FEZF2: variants seen among roughly 807,000 people sequenced by gnomAD.
FEZF2 encodes the protein fez family zinc finger protein 2.
FEZF2 carries 2 observed loss-of-function variants against 32.8 expected under a neutral mutation model. The ratio of observed to expected loss-of-function variants is 0.06; its 90% CI spans 0.02 to 0.19. The LOEUF (loss-of-function observed/expected upper bound fraction) is 0.19, where lower values mean the gene tolerates loss of function less well. Among genes scored for constraint, FEZF2 ranks in the 10% least tolerant of loss-of-function variants. FEZF2 has a pLI of 1.00. For synonymous variants in FEZF2, 322 were observed against 284.8 expected, an observed-to-expected ratio of 1.13 and a Z score of -1.32; for missense variants, 516 against 625.4, an observed-to-expected ratio of 0.83 and a Z score of 1.87.
Position 62,372,286 on chromosome 3 carries a change from G to A in FEZF2, c.583C>T (p.Leu195Phe). ...GCGGCGGGGGCCTGCGCATTGAGGAGGCCAGACGGGAAGAGGTGGCCGCTG... is the reference window on the plus strand; with the variant it reads ...GCGGCGGGGGCCTGCGCATTGAGGAAGCCAGACGGGAAGAGGTGGCCGCTG... ...LLSGHLFPSG[L>F]LNAQAPAALA... Residue 195 changes from leucine (L) to phenylalanine (F), a missense_variant, in exon 2 of 5, where the codon CTC becomes TTC. Physicochemically the swap from Leu to Phe is conservative, Grantham distance 22. This residue lies in a region of FEZF2 where 408 missense variants were observed against 382.2 expected (regional missense o/e 1.07). Coordinates refer to ENST00000283268, the MANE Select transcript of FEZF2 (RefSeq NM_018008.4). The surrounding 1 kb of genome is among the most constrained non-coding windows in gnomAD (Gnocchi z 9.6). 6.2e-7 allele frequency: 1 copy of A among 1,601,890 alleles called. No homozygotes were observed.
rs544462622 is a variant in FEZF2, at chr3:62,371,423, C to A, written c.988-74G>T. On this transcript the variant is annotated intron_variant, in intron 3 of 4. Transcript: ENST00000283268. ...CCTGGAAGGGACATCCCCCCCACCC[C>A]CACTCAACCCTAGAGGGTAAGGGAT... is the stretch of plus-strand genomic sequence containing the variant. 16 of 1,584,452 alleles carry A rather than the reference C, an allele frequency of 1.0e-5. No homozygotes were observed. The East Asian group carries it at 3.6e-4, about 36-fold the overall frequency.
rs761318289 is a variant in FEZF2, at chr3:62,370,367, C to A, written c.1121-25G>T. ...CCTACAACAGATCAAGAACAAAAAA[C>A]GTGGGGGTATGGAGTAGAATGGTGG... On this transcript the variant is annotated intron_variant, in intron 4 of 4. Coordinates refer to ENST00000283268, the MANE Select transcript of FEZF2 (RefSeq NM_018008.4). The surrounding 1 kb of genome is among the most constrained non-coding windows in gnomAD (Gnocchi z 4.2). 2.5e-6 allele frequency: 4 copies of A among 1,611,146 alleles called. No individual in the cohort carries two copies. Among genetic ancestry groups the A allele is most frequent in the Non-Finnish European group, 2.5e-6 (3 of 1,177,840 alleles).
chr3:62,372,404 C>G lies in FEZF2; in HGVS notation c.465G>C (p.Gln155His), dbSNP rs375770763. ...GCAGCCCCACAGCCTGGTTGATGACCTGCGGCTTGATGACCCTGCCCGCGG... is the reference window on the plus strand; with the variant it reads ...GCAGCCCCACAGCCTGGTTGATGACGTGCGGCTTGATGACCCTGCCCGCGG... Reference protein sequence around the residue: ...ALPAGRVIKPQVINQAVGLPA... With the variant: ...ALPAGRVIKPHVINQAVGLPA... Residue 155 changes from glutamine (Q) to histidine (H), a missense_variant, in exon 2 of 5, where the codon CAG (glutamine) becomes CAC (histidine). By Grantham distance (24) the Gln-to-His change is conservative. Coordinates refer to ENST00000283268, the MANE Select transcript of FEZF2 (RefSeq NM_018008.4). The surrounding 1 kb of genome is among the most constrained non-coding windows in gnomAD (Gnocchi z 9.6). The G allele has an allele frequency of 6.2e-7, 1 of 1,611,450 alleles. No individual in the cohort carries two copies. The highest frequency in any genetic ancestry group is 8.5e-7 in the Non-Finnish European group (1 of 1,179,676).
chr3:62,372,530 G>GCCGCCGCCA lies in FEZF2; in HGVS notation c.330_338dup (p.Gly115_Gly117dup), dbSNP rs749809403. On this transcript the variant is annotated inframe_insertion, in exon 2 of 5. Coordinates refer to ENST00000283268, the MANE Select transcript of FEZF2 (RefSeq NM_018008.4). The surrounding 1 kb of genome is among the most constrained non-coding windows in gnomAD (Gnocchi z 9.6). ...CGCACACTGGGGCCCCCCCGCCGCC[G>GCCGCCGCCA]CCGCCGCCACCGCCGCCGCCGCCTC... is the stretch of plus-strand genomic sequence containing the variant. 127 of 1,303,858 alleles carry GCCGCCGCCA rather than the reference G, an allele frequency of 9.7e-5. No homozygotes were observed. Among genetic ancestry groups the GCCGCCGCCA allele is most frequent in the South Asian group, 2.4e-4 (8 of 33,388 alleles). The allele number at this position is 1,303,858 out of a possible 1,614,324, so 80.8% of individuals were successfully genotyped here. A position where few individuals can be genotyped will look rare whatever the true frequency, so the allele number is the denominator to read the frequency against.
chr3:62,370,194 G>A lies in FEZF2; in HGVS notation c.1269C>T (p.Gly423=). 1.9e-6 allele frequency: 3 copies of A among 1,614,164 alleles called. No individual in the cohort carries two copies. The highest frequency in any genetic ancestry group is 2.5e-6 in the Non-Finnish European group (3 of 1,180,038). Residue 423 remains glycine (G), a synonymous_variant, in exon 5 of 5, where the codon GGC becomes GGT. Transcript: ENST00000283268. This position sits in a 1 kb window ranked among gnomAD's most constrained non-coding sequence, Gnocchi z 4.2. ...DKKPFTCATC[G]KGFCRNFDLK... The stretch of plus-strand genomic sequence containing the variant: ...AGTCAAAGTTTCTGCAAAACCCTTT[G>A]CCGCAAGTGGCGCACGTGAAAGGCT...
chr3:62,371,359 G>A lies in FEZF2; in HGVS notation c.988-10C>T, dbSNP rs747888363. 6.2e-7 allele frequency: 1 copy of A among 1,612,834 alleles called. No individual in the cohort carries two copies. The highest frequency in any genetic ancestry group is 8.5e-7 in the Non-Finnish European group (1 of 1,179,240). The stretch of plus-strand genomic sequence containing the variant: ...ATTTATGTGGCTTTTCCTGAGGAAA[G>A]GGGCGAGTGCACAGTAAGGAGAGGC... On this transcript the variant is annotated splice_polypyrimidine_tract_variant and intron_variant, in intron 3 of 4. Transcript: ENST00000283268.
chr3:62,370,483 G>C lies in FEZF2; in HGVS notation c.1121-141C>G. On this transcript the variant is annotated intron_variant, in intron 4 of 4. Coordinates refer to ENST00000283268, the MANE Select transcript of FEZF2 (RefSeq NM_018008.4). This position sits in a 1 kb window ranked among gnomAD's most constrained non-coding sequence, Gnocchi z 4.2. ...GGCGGGCGCGACCTCTTCGAGTGAA[G>C]AAGTTGTCAAACTTCGTAAGCGTCA... is the stretch of plus-strand genomic sequence containing the variant. 1.2e-6 allele frequency: 1 copy of C among 831,834 alleles called. No individual in the cohort carries two copies. The highest frequency in any genetic ancestry group is 2.4e-5 in the Admixed American group (1 of 41,008). The allele number at this position is 831,834 out of a possible 1,614,324, so 51.5% of individuals were successfully genotyped here.
chr3:62,372,659 C>A lies in FEZF2; in HGVS notation c.210G>T (p.Leu70=). ...GKKLLNLCSP[L]PCMIPLQPLG... ...GGGGCTGGAGGGGGATCATACAGGG[C>A]AGCGGCGAGCAGAGGTTGAGCAGTT... Residue 70 remains leucine (L), a synonymous_variant, in exon 2 of 5, where the codon CTG becomes CTT. Coordinates refer to ENST00000283268, the MANE Select transcript of FEZF2 (RefSeq NM_018008.4). This position sits in a 1 kb window ranked among gnomAD's most constrained non-coding sequence, Gnocchi z 9.6. 3.1e-6 allele frequency: 5 copies of A among 1,607,202 alleles called. No homozygotes were observed. Among genetic ancestry groups the A allele is most frequent in the Non-Finnish European group, 4.2e-6 (5 of 1,176,724 alleles).
In FEZF2 at chr3:62,372,010, G is replaced by A. The variant is rs1420873545; in HGVS notation, c.852+7C>T. On this transcript the variant is annotated splice_region_variant and intron_variant, in intron 2 of 4. Transcript: ENST00000283268. The surrounding 1 kb of genome is among the most constrained non-coding windows in gnomAD (Gnocchi z 9.6). ...CCCGGCCCCCCTCGCCGAACCCTGGGCCTCACCTTGCCGCACACCTCGCAG... is the reference window on the plus strand; with the variant it reads ...CCCGGCCCCCCTCGCCGAACCCTGGACCTCACCTTGCCGCACACCTCGCAG... 3.7e-6 allele frequency: 6 copies of A among 1,601,184 alleles called. No individual in the cohort carries two copies. The highest frequency in any genetic ancestry group is 2.2e-5 in the East Asian group (1 of 44,736).
In FEZF2 at chr3:62,372,986, G is replaced by C. The variant is rs1354229125; in HGVS notation, c.-58-60C>G. The C allele has an allele frequency of 1.9e-6, 2 of 1,028,076 alleles. No homozygotes were observed. Among genetic ancestry groups the C allele is most frequent in the African/African-American group, 1.7e-5 (1 of 59,694 alleles). 63.7% of individuals were successfully genotyped at this position (1,028,076 alleles called of 1,614,324 possible). Reference sequence around the variant, plus strand: ...ATTTAATAAGCACCTAGTCGGGCCCGGGTCACCCATTTGCATTCAAATGAA... The same window carrying C: ...ATTTAATAAGCACCTAGTCGGGCCCCGGTCACCCATTTGCATTCAAATGAA... On this transcript the variant is annotated intron_variant, in intron 1 of 4. Coordinates refer to ENST00000283268, the MANE Select transcript of FEZF2 (RefSeq NM_018008.4). This position sits in a 1 kb window ranked among gnomAD's most constrained non-coding sequence, Gnocchi z 9.6.
In FEZF2 at chr3:62,370,051, C is replaced by T. The variant is rs369791744; in HGVS notation, c.*32G>A. On this transcript the variant is annotated 3_prime_UTR_variant, in exon 5 of 5. Coordinates refer to ENST00000283268, the MANE Select transcript of FEZF2 (RefSeq NM_018008.4). This position sits in a 1 kb window ranked among gnomAD's most constrained non-coding sequence, Gnocchi z 4.2. ...ATGTGTGATCTGTTTTCAGGTGGTA[C>T]AGGGAGGGAAGGAAGGGCAAGGCAG... is the stretch of plus-strand genomic sequence containing the variant. 5.7e-5 allele frequency: 92 copies of T among 1,608,698 alleles called. No homozygotes were observed. The highest frequency in any genetic ancestry group is 7.5e-5 in the Non-Finnish European group (88 of 1,176,076).
rs1452139718 is a variant in FEZF2 at position 62,370,063 on chromosome 3, G to A, written c.*20C>T. On this transcript the variant is annotated 3_prime_UTR_variant, in exon 5 of 5. Transcript: ENST00000283268. The surrounding 1 kb of genome is among the most constrained non-coding windows in gnomAD (Gnocchi z 4.2). ...TTTTCAGGTGGTACAGGGAGGGAAGGAAGGGCAAGGCAGTAGCTCTCAGCT... is the reference window on the plus strand; with the variant it reads ...TTTTCAGGTGGTACAGGGAGGGAAGAAAGGGCAAGGCAGTAGCTCTCAGCT... The A allele has an allele frequency of 6.2e-7, 1 of 1,610,782 alleles. No homozygotes were observed. The highest frequency in any genetic ancestry group is 1.7e-5 in the Admixed American group (1 of 59,946).
Position 62,370,397 on chromosome 3 carries a change from G to A in FEZF2, c.1121-55C>T. The stretch of plus-strand genomic sequence containing the variant: ...GGGTATGGAGTAGAATGGTGGGGAG[G>A]AAGAGGCGGGCGTCCCAGGGGCAGC... On this transcript the variant is annotated intron_variant, in intron 4 of 4. Coordinates refer to ENST00000283268, the MANE Select transcript of FEZF2 (RefSeq NM_018008.4). The surrounding 1 kb of genome is among the most constrained non-coding windows in gnomAD (Gnocchi z 4.2). 6.3e-7 allele frequency: 1 copy of A among 1,587,244 alleles called. No individual in the cohort carries two copies. Among genetic ancestry groups the A allele is most frequent in the Non-Finnish European group, 8.6e-7 (1 of 1,162,774 alleles).
chr3:62,370,636 G>A lies in FEZF2; in HGVS notation c.1121-294C>T, dbSNP rs1370314792. Among the ~76,000 whole-genome samples, 1 of 152,234 alleles carries A rather than the reference G, an allele frequency of 6.6e-6. No individual in the cohort carries two copies. The highest frequency in any genetic ancestry group is 1.5e-5 in the Non-Finnish European group (1 of 68,038). On this transcript the variant is annotated intron_variant, in intron 4 of 4. Transcript: ENST00000283268. The surrounding 1 kb of genome is among the most constrained non-coding windows in gnomAD (Gnocchi z 4.2). Reference sequence around the variant, plus strand: ...GCTCCGCGGGCCGGGAAACTTTTGCGTAGCCCAGAGACGCACCGAGTCCTT... The same window carrying A: ...GCTCCGCGGGCCGGGAAACTTTTGCATAGCCCAGAGACGCACCGAGTCCTT...
chr3:62,371,185 G>A lies in FEZF2; in HGVS notation c.1120+32C>T, dbSNP rs199928172. The A allele has an allele frequency of 2.3e-3, 3,715 of 1,614,062 alleles. 7 individuals carry two copies. The highest frequency in any genetic ancestry group is 2.7e-3 in the Non-Finnish European group (3,222 of 1,179,922). On this transcript the variant is annotated intron_variant, in intron 4 of 4. Transcript: ENST00000283268. Reference sequence around the variant, plus strand: ...GCCGCGACCCGAGTCCTGAGGTGAGGTGAGAAGAGAAGGCCTCGCCTGGCA... The same window carrying A: ...GCCGCGACCCGAGTCCTGAGGTGAGATGAGAAGAGAAGGCCTCGCCTGGCA...
chr3:62,372,824 G>A lies in FEZF2; in HGVS notation c.45C>T (p.Cys15=). ...TGGCCGGCGACGCTCCGGCGCGCGG[G>A]CAGGCCGGGGGCACCATGGTCTCCA... ...ASLETMVPPA[C]PRAGASPATS... Residue 15 remains cysteine (C), a synonymous_variant, in exon 2 of 5, where the codon TGC becomes TGT. Transcript: ENST00000283268. The surrounding 1 kb of genome is among the most constrained non-coding windows in gnomAD (Gnocchi z 9.6). 6.6e-7 allele frequency: 1 copy of A among 1,516,656 alleles called. No homozygotes were observed. Among genetic ancestry groups the A allele is most frequent in the Non-Finnish European group, 8.9e-7 (1 of 1,126,486 alleles). The allele number at this position is 1,516,656 out of a possible 1,614,324, so 93.9% of individuals were successfully genotyped here. A position where few individuals can be genotyped will look rare whatever the true frequency, so the allele number is the denominator to read the frequency against.
rs774451311 is a variant in FEZF2, at chr3:62,372,313, G to A, written c.556C>T (p.Leu186Phe). Reference protein sequence around the residue: ...DSTAYPPSELLSGHLFPSGLL... With the variant: ...DSTAYPPSELFSGHLFPSGLL... Reference sequence around the variant, plus strand: ...CCAGACGGGAAGAGGTGGCCGCTGAGGAGCTCAGACGGCGGGTACGCGGTC... The same window carrying A: ...CCAGACGGGAAGAGGTGGCCGCTGAAGAGCTCAGACGGCGGGTACGCGGTC... Residue 186 changes from leucine (L) to phenylalanine (F), a missense_variant, in exon 2 of 5, where the codon CTC becomes TTC. Around this residue, in one of 3 missense-constraint regions of FEZF2, gnomAD observed 408 missense variants for 382.2 expected, o/e 1.07. Coordinates refer to ENST00000283268, the MANE Select transcript of FEZF2 (RefSeq NM_018008.4). This position sits in a 1 kb window ranked among gnomAD's most constrained non-coding sequence, Gnocchi z 9.6. 6.2e-7 allele frequency: 1 copy of A among 1,609,186 alleles called. No individual in the cohort carries two copies. Among genetic ancestry groups the A allele is most frequent in the Non-Finnish European group, 8.5e-7 (1 of 1,178,858 alleles).
chr3:62,370,653 C>A lies in FEZF2; in HGVS notation c.1121-311G>T, dbSNP rs1359576626. ...ACTTTTGCGTAGCCCAGAGACGCAC[C>A]GAGTCCTTCTCCTGGCTGATGCCTC... On this transcript the variant is annotated intron_variant, in intron 4 of 4. Coordinates refer to ENST00000283268, the MANE Select transcript of FEZF2 (RefSeq NM_018008.4). The surrounding 1 kb of genome is among the most constrained non-coding windows in gnomAD (Gnocchi z 4.2). Among the ~76,000 whole-genome samples the A allele has an allele frequency of 1.3e-5, 2 of 152,200 alleles. No individual in the cohort carries two copies. The highest frequency in any genetic ancestry group is 2.4e-5 in the African/African-American group (1 of 41,458).
rs1366668258 is a variant in FEZF2, at chr3:62,372,268, G to A, written c.601C>T (p.Pro201Ser). 1 of 1,591,604 alleles carries A rather than the reference G, an allele frequency of 6.3e-7. No individual in the cohort carries two copies. The highest frequency in any genetic ancestry group is 8.6e-7 in the Non-Finnish European group (1 of 1,169,220). The change falls in exon 2 of 5, where the codon CCC becomes TCC. Residue 201 changes from proline (P) to serine (S), a missense_variant. Physicochemically the swap from Pro to Ser is moderately conservative, Grantham distance 74. Coordinates refer to ENST00000283268, the MANE Select transcript of FEZF2 (RefSeq NM_018008.4). This position sits in a 1 kb window ranked among gnomAD's most constrained non-coding sequence, Gnocchi z 9.6. ...FPSGLLNAQA[P>S]AALAAHPKLF... is the part of the protein sequence containing the mutation. The stretch of plus-strand genomic sequence containing the variant: ...TTGGGGTGAGCAGCCAGGGCGGCGG[G>A]GGCCTGCGCATTGAGGAGGCCAGAC...
Sources: gnomAD v4.1 joint callset for allele counts (sites outside exome capture counted in the v4.1 genomes callset) on GRCh38, gnomAD v4.1.1 for gene constraint, gnomAD v4.1.1 regional missense constraint, Gnocchi (gnomAD v3.1) non-coding constraint, MANE v1.5 for transcripts, NCBI Gene and HGNC (gene_info 2026-07-23, HGNC 2026-07-21) for gene names.